Variants in CD83 observed in about 807,000 individuals in gnomAD.
CD83 encodes the protein CD83 antigen.
CD83 carries 22 observed loss-of-function variants against 24.6 expected under a neutral mutation model. The ratio of observed to expected loss-of-function variants is 0.90; its 90% CI spans 0.64 to 1.28. The LOEUF (loss-of-function observed/expected upper bound fraction) is 1.28, where lower values mean the gene tolerates loss of function less well. Among genes scored for constraint, CD83 ranks in the 50% most tolerant of loss-of-function variants. The pLI, the probability that CD83 is intolerant of heterozygous loss-of-function variation, is 0.00. For synonymous variants in CD83, 101 were observed against 103.5 expected (o/e 0.98, Z 0.14); for missense variants, 253 against 252.8 (o/e 1.00, Z -0.01).
intron 2 of CD83, among the ~76,000 whole-genome samples, chr6:14,123,335 G>A (rs1233798542): frequency 6.6e-6 from 1 of 152,136 alleles, no homozygotes; most frequent in Non-Finnish European, 1.5e-5. Flanking sequence ...CTGACCTCAG[G>A]TGATCCACCT....
upstream of CD83, chr6:14,117,529 G>GGGGCGCCCGGCCC (rs1759553474): frequency 6.7e-6 from 1 of 149,982 alleles, no homozygotes; most frequent in South Asian, 2.1e-4. This position sits in a 1 kb window ranked among gnomAD's most constrained non-coding sequence, Gnocchi z 4.6. Flanking sequence ...ACGCGAACTC[G>GGGGCGCCCGGCCC]GGGCGCCCGG....
chr6:14,133,322 G>A (rs1474702732), intron 3 of CD83, among the ~76,000 whole-genome samples: 3 of 152,240 alleles, frequency 2.0e-5, no homozygotes, highest in African/African-American at 7.2e-5. Context: ...GATAAGCCTG[G>A]ACCAGCTGTC....
chr6:14,123,733 GC>G (rs1759725358), intron 2 of CD83, among the ~76,000 whole-genome samples: 1 of 127,512 alleles, frequency 7.8e-6, no homozygotes, highest in African/African-American at 3.1e-5. Context: ...GAGGAAGAAA[GC>G]AGCTGAGAGT....
rs765856538 is a variant in CD83 at position 14,131,535 on chromosome 6, G to A, written c.169G>A (p.Glu57Lys). The A allele has an allele frequency of 7.4e-6, 12 of 1,613,650 alleles. No homozygotes were observed. Among genetic ancestry groups the A allele is most frequent in the East Asian group, 2.2e-5 (1 of 44,892 alleles). The change falls in exon 3 of 5, where the codon GAA becomes AAA. Residue 57 changes from glutamate to lysine, a missense_variant. Physicochemically the swap from Glu to Lys is moderately conservative, Grantham distance 56. Transcript: ENST00000379153. Reference protein sequence around the residue: ...VSWVKLLEGGEERMETPQEDH... With the variant: ...VSWVKLLEGGKERMETPQEDH... ...TTCTTCACAGTTATTGGAGGGTGGT[G>A]AAGAGAGGATGGAGACACCCCAGGA...
rs951524803 is a variant in CD83, at chr6:14,135,454, C to T, written c.*218C>T. 3 of 498,530 alleles carry T rather than the reference C, an allele frequency of 6.0e-6. No individual in the cohort carries two copies. The highest frequency in any genetic ancestry group is 1.9e-5 in the African/African-American group (1 of 52,714). 30.9% of individuals were successfully genotyped at this position (498,530 alleles called of 1,614,324 possible). A position where few individuals can be genotyped will look rare whatever the true frequency, so the allele number is the denominator to read the frequency against. On this transcript the variant is annotated 3_prime_UTR_variant, in exon 5 of 5. Transcript: ENST00000379153. ...ATAGCATGAGGCCACTGCTGCTTCTCCATGGCCACCTTTTCAGCGATGTAT... is the reference window on the plus strand; with the variant it reads ...ATAGCATGAGGCCACTGCTGCTTCTTCATGGCCACCTTTTCAGCGATGTAT...
intron 4 of CD83, among the ~76,000 whole-genome samples, chr6:14,134,869 A>T (rs1758006625): frequency 6.6e-6 from 1 of 152,218 alleles, no homozygotes; most frequent in Non-Finnish European, 1.5e-5. Flanking sequence ...TTGACTTTCC[A>T]TACAGAGACC....
intron 2 of CD83, among the ~76,000 whole-genome samples, chr6:14,127,091 C>T (rs972000690): frequency 2.6e-5 from 4 of 152,046 alleles, no homozygotes; most frequent in East Asian, 1.9e-4. Flanking sequence ...TGGGTTCAAG[C>T]GATTCTCCTG....
At chr6:14,128,947 A>G (rs1759884641) in intron 2 of CD83, among the ~76,000 whole-genome samples, 1 of 152,220 alleles carries the variant, frequency 6.6e-6, no homozygotes, top group African/African-American at 2.4e-5. Context: ...TTGCTTCAAC[A>G]GTTCCCAGCA....
chr6:14,133,880 C>G (rs1757983328), intron 4 of CD83, 125 bp downstream of exon 4: 2 of 601,350 alleles, frequency 3.3e-6, no homozygotes, highest in South Asian at 5.1e-5. Context: ...GAACCCTGGA[C>G]TTTTTGAGGC....
intron 2 of CD83, among the ~76,000 whole-genome samples, chr6:14,122,364 G>C (rs992647968): frequency 2.6e-5 from 4 of 152,162 alleles, no homozygotes; most frequent in Non-Finnish European, 1.5e-5. Flanking sequence ...CTACCATCTT[G>C]TGTGATAATG....
rs940930956 is a variant in CD83, at chr6:14,136,018, TAG to T, written c.*787_*788del. 6.6e-6 allele frequency: 1 copy of T among 152,186 alleles called. No homozygotes were observed. Among genetic ancestry groups the T allele is most frequent in the African/African-American group, 2.4e-5 (1 of 41,432 alleles). 9.4% of individuals were successfully genotyped at this position (152,186 alleles called of 1,614,324 possible). On this transcript the variant is annotated 3_prime_UTR_variant, in exon 5 of 5. Transcript: ENST00000379153. ...GAAGAAGTCAGAGAGGGTGACAAGA[TAG>T]AGAGCTATTTAATGGCCGGCTGGAA...
chr6:14,124,812 C>G (rs1233741627), intron 2 of CD83, among the ~76,000 whole-genome samples: 3 of 152,122 alleles, frequency 2.0e-5, no homozygotes, highest in South Asian at 2.1e-4. Context: ...TGTGCCCCCC[C>G]CAAAAGATCA....
At chr6:14,120,061 G>A (rs1033746540) in intron 2 of CD83, among the ~76,000 whole-genome samples, 10 of 152,216 alleles carry the variant, frequency 6.6e-5, no homozygotes, top group African/African-American at 2.4e-4. Flanking sequence ...GAAAAAAAGG[G>A]ACAGCAGTCT....
chr6:14,134,903 C>T (rs539175891), intron 4 of CD83, among the ~76,000 whole-genome samples: 3 of 152,124 alleles, frequency 2.0e-5, no homozygotes, highest in East Asian at 1.9e-4. Flanking sequence ...TCGAAATGGC[C>T]ACAATCAGTG....
chr6:14,123,751 GAA>G (rs10647098), intron 2 of CD83, among the ~76,000 whole-genome samples: 5 of 103,410 alleles, frequency 4.8e-5, no homozygotes, highest in East Asian at 3.2e-4. Context: ...GAGTTAAATT[GAA>G]AAAAAAAAAA....
rs1223568185 is a variant in CD83 at position 14,129,832 on chromosome 6, A to ACT, written c.154-1687_154-1686dup. Among the ~76,000 whole-genome samples, 528 of 118,112 alleles carry ACT rather than the reference A, an allele frequency of 4.5e-3. 2 individuals are homozygous for ACT. The highest frequency in any genetic ancestry group is 0.02 in the African/African-American group (483 of 24,230). The allele number at this position is 118,112 out of a possible 152,430, so 77.5% of individuals were successfully genotyped here. On this transcript the variant is annotated intron_variant, in intron 2 of 4. Transcript: ENST00000379153. This position sits in a 1 kb window ranked among gnomAD's most constrained non-coding sequence, Gnocchi z 4.3. The stretch of plus-strand genomic sequence containing the variant: ...TGAATTAATAAATGAAGCAGAAATG[A>ACT]CTGTGTGTGTGTGTGTGTGTGTGTG...
chr6:14,120,634 G>A lies in CD83; in HGVS notation c.153+2569G>A, dbSNP rs753007636. Among the ~76,000 whole-genome samples the A allele has an allele frequency of 3.4e-4, 52 of 152,330 alleles. No individual in the cohort carries two copies. The Middle Eastern group carries it at 0.01, about 30-fold the overall frequency. ...TGCAGTGGGTTTTCACCATCCACCAGATTGAAGCACATTCTGCAGGCTGTC... is the reference window on the plus strand; with the variant it reads ...TGCAGTGGGTTTTCACCATCCACCAAATTGAAGCACATTCTGCAGGCTGTC... On this transcript the variant is annotated intron_variant, in intron 2 of 4. Transcript: ENST00000379153.
At chr6:14,130,013 G>T (rs1472515528) in intron 2 of CD83, among the ~76,000 whole-genome samples, 1 of 152,162 alleles carries the variant, frequency 6.6e-6, no homozygotes, top group Admixed American at 6.5e-5. Context: ...CAGAACGGGA[G>T]ATTCATCATT....
rs1480726679 is a variant in CD83, at chr6:14,135,154, G to T, written c.536G>T (p.Gly179Val). 2 of 1,613,944 alleles carry T rather than the reference G, an allele frequency of 1.2e-6. No individual in the cohort carries two copies. Among genetic ancestry groups the T allele is most frequent in the African/African-American group, 1.3e-5 (1 of 74,902 alleles). ...ATCTTCCCAGATTTTTCTAAAGCTG[G>T]CATGGAACGAGCTTTTCTCCCAGTT... The part of the protein sequence containing the change: ...QSIFPDFSKA[G>V]MERAFLPVTS... The change falls in exon 5 of 5, where the codon GGC becomes GTC. Residue 179 changes from glycine (G) to valine (V), a missense_variant. Physicochemically the swap from Gly to Val is moderately radical, Grantham distance 109. Coordinates refer to ENST00000379153, the MANE Select transcript of CD83 (RefSeq NM_004233.4).
Sources: allele counts gnomAD v4.1 joint callset (sites outside exome capture counted in the v4.1 genomes callset), GRCh38; gene constraint gnomAD v4.1.1; non-coding constraint Gnocchi (gnomAD v3.1); transcripts MANE v1.5; gene names NCBI Gene and HGNC (gene_info 2026-07-23, HGNC 2026-07-21).